The following CPVL variants were observed in gnomAD, a reference collection of about 807,000 sequenced individuals.
CPVL encodes the protein probable serine carboxypeptidase CPVL.
In CPVL, 51 loss-of-function variants were observed where a neutral mutation model predicts 63.7. That is an observed-to-expected ratio of 0.80 (90% confidence interval 0.64 to 1.01). The LOEUF is 1.01. CPVL is among the 50% of genes least tolerant of loss of function. The probability of loss-of-function intolerance (pLI) is 0.00; values close to 1 mark genes in which losing one functional copy is unlikely to be tolerated. For missense variants in CPVL, 530 were observed against 573.1 expected (o/e 0.92, Z 0.77); for synonymous variants, 195 against 206.0 (o/e 0.95, Z 0.46).
chr7:29,043,406 C>CA (rs1416596910), intron 11 of CPVL, among the ~76,000 whole-genome samples: 1 of 152,050 alleles, frequency 6.6e-6, no homozygotes, highest in African/African-American at 2.4e-5. Context: ...GTTTTTCTTC[C>CA]AAAAACACAA....
chr7:29,189,299 C>CA lies in CPVL; in HGVS notation c.-447-2753dup, dbSNP rs1371928944. ...CCCAGGCCTCGTATACTCCCTGGCACATAATGAGTGTTTAGTCAACATGAC... is the reference window on the plus strand; with the variant it reads ...CCCAGGCCTCGTATACTCCCTGGCACAATAATGAGTGTTTAGTCAACATGAC... On this transcript the variant is annotated intron_variant, in intron 1 of 16. Transcript: ENST00000409850. 2.6e-5 allele frequency among the ~76,000 whole-genome samples: 4 copies of CA among 152,022 alleles called. No individual in the cohort carries two copies. In the East Asian group the frequency reaches 7.7e-4, roughly 29 times the overall value.
intron 5 of CPVL, among the ~76,000 whole-genome samples, chr7:29,177,204 G>T (rs560841650): frequency 6.6e-6 from 1 of 150,840 alleles, no homozygotes; most frequent in Admixed American, 6.6e-5. Flanking sequence ...CTATATAGGA[G>T]ATCTTTTTCT....
chr7:29,142,850 C>G (rs1361485546), intron 1 of CPVL, among the ~76,000 whole-genome samples: 1 of 151,992 alleles, frequency 6.6e-6, no homozygotes, highest in African/African-American at 2.4e-5. Flanking sequence ...AATGATGCTC[C>G]CTTATAATTG....
intron 5 of CPVL, among the ~76,000 whole-genome samples, chr7:29,164,028 A>G (rs778451847): frequency 2.2e-4 from 34 of 152,188 alleles, no homozygotes; most frequent in Non-Finnish European, 3.8e-4. Flanking sequence ...CTCTTGGGTA[A>G]ATACCTAGGT....
chr7:29,074,799 C>T (rs1220979101), intron 7 of CPVL, among the ~76,000 whole-genome samples: 2 of 150,488 alleles, frequency 1.3e-5, no homozygotes, highest in South Asian at 2.1e-4. Flanking sequence ...ATACTAGATA[C>T]TTGAGGAGAC....
At chr7:29,167,887 T>C (rs907509636) in intron 5 of CPVL, among the ~76,000 whole-genome samples, 1 of 152,230 alleles carries the variant, frequency 6.6e-6, no homozygotes, top group Non-Finnish European at 1.5e-5. Flanking sequence ...AATTACTTAC[T>C]GATGCAAAAA....
At chr7:29,042,217 C>T (rs317760) in intron 11 of CPVL, among the ~76,000 whole-genome samples, 150,765 of 152,264 alleles carry the variant, frequency 0.99, 74,644 homozygotes, top group Middle Eastern at 1. Flanking sequence ...TACAGGGGAG[C>T]AGACAGGAAC....
chr7:29,118,709 G>T (rs527965918), intron 2 of CPVL, among the ~76,000 whole-genome samples: 3 of 152,176 alleles, frequency 2.0e-5, no homozygotes, highest in African/African-American at 7.2e-5. Context: ...CACTTTGAAC[G>T]AATAAAACTT....
rs532030261 is a variant in CPVL, at chr7:29,098,157, T to C, written c.289-1940A>G. 7.9e-5 allele frequency among the ~76,000 whole-genome samples: 12 copies of C among 152,092 alleles called. No individual in the cohort carries two copies. In the South Asian group the frequency reaches 1.9e-3, roughly 24 times the overall value. ...GACAAATCAAGGTGTTGTTGGAAGG[T>C]CTGAGTGGATGCGTTCCATTGACCT... On this transcript the variant is annotated intron_variant, in intron 3 of 12. Transcript: ENST00000265394.
chr7:29,092,832 C>T (rs1785959943), intron 5 of CPVL, 130 bp from the exon 6 acceptor site: 3 of 682,064 alleles, frequency 4.4e-6, no homozygotes, highest in Non-Finnish European at 7.9e-6. Context: ...TTTGCCGTTG[C>T]CCCCCTATGC....
chr7:29,045,314 C>T (rs545398445), intron 11 of CPVL, among the ~76,000 whole-genome samples: 30 of 152,240 alleles, frequency 2.0e-4, no homozygotes, highest in Non-Finnish European at 3.2e-4. Context: ...TAATGCTACT[C>T]TTGCATTTGG....
chr7:29,034,074 T>C (rs1460405328), intron 11 of CPVL, among the ~76,000 whole-genome samples: 1 of 152,158 alleles, frequency 6.6e-6, no homozygotes, highest in African/African-American at 2.4e-5. Context: ...TTCTGTTTTG[T>C]TTTGTTTTTG....
At chr7:29,107,259 G>A (rs549243173) in intron 3 of CPVL, among the ~76,000 whole-genome samples, 1 of 152,354 alleles carries the variant, frequency 6.6e-6, no homozygotes, top group South Asian at 2.1e-4. Flanking sequence ...GGAGGGGACT[G>A]CCCAAGGGCA....
chr7:29,153,130 A>G (rs12700939), intron 5 of CPVL, among the ~76,000 whole-genome samples: 51,141 of 152,078 alleles, frequency 0.34, 8,844 homozygotes, highest in Non-Finnish European at 0.38. Flanking sequence ...CTAGGTTGCT[A>G]TCAAGGTATA....
At chr7:29,156,700 A>G (rs1430406820) in intron 5 of CPVL, among the ~76,000 whole-genome samples, 1 of 152,230 alleles carries the variant, frequency 6.6e-6, no homozygotes, top group African/African-American at 2.4e-5. Context: ...TTATGTTAGT[A>G]TGAAAGCGAC....
chr7:29,025,149 T>C (rs562197058), intron 12 of CPVL, among the ~76,000 whole-genome samples: 1 of 152,258 alleles, frequency 6.6e-6, no homozygotes, highest in African/African-American at 2.4e-5. Context: ...AAATAAAATA[T>C]GATCTAACTA....
intron 12 of CPVL, 75 bp from the exon 13 acceptor site, chr7:28,995,957 AT>A (rs1022608966): frequency 2.4e-6 from 2 of 816,350 alleles, no homozygotes; most frequent in Non-Finnish European, 3.9e-6. Flanking sequence ...TTTCATTCAG[AT>A]TAAACTCTAT....
intron 5 of CPVL, 42 bp downstream of exon 5, chr7:29,095,042 A>T: frequency 7.0e-7 from 1 of 1,438,586 alleles, no homozygotes; most frequent in Non-Finnish European, 9.8e-7. Flanking sequence ...AAAAGACAGG[A>T]GACGCCAGCA....
At chr7:29,191,743 T>G (rs1389588262) in intron 1 of CPVL, 1 of 152,246 alleles carries the variant, frequency 6.6e-6, no homozygotes, top group Non-Finnish European at 1.5e-5. Flanking sequence ...TTCTTTCCAC[T>G]GGCAAATAGG....
Sources: allele counts gnomAD v4.1 joint callset (sites outside exome capture counted in the v4.1 genomes callset), GRCh38; gene constraint gnomAD v4.1.1; transcripts MANE v1.5; gene names NCBI Gene and HGNC (gene_info 2026-07-23, HGNC 2026-07-21).